The following PLA2G4E variants were observed in gnomAD, a reference collection of about 807,000 sequenced individuals.
PLA2G4E encodes the protein phospholipase A2 group IVE, also known as cytosolic phospholipase A2 epsilon.
Under a neutral mutation model 109.1 loss-of-function variants are expected in PLA2G4E, and 84 were observed. The observed-to-expected ratio is 0.77, with a 90% CI of 0.65 to 0.92. The LOEUF (loss-of-function observed/expected upper bound fraction) is 0.92. PLA2G4E is among the 40% of genes least tolerant of loss of function. The probability of loss-of-function intolerance (pLI) is 0.00; values close to 1 mark genes in which losing one functional copy is unlikely to be tolerated. For synonymous variants in PLA2G4E, 469 were observed against 436.1 expected (o/e 1.08, Z -0.94); for missense variants, 1,057 against 1,076.6 (o/e 0.98, Z 0.25).
At chr15:42,043,384 C>A (rs1449099672) in intron 1 of PLA2G4E, among the ~76,000 whole-genome samples, 2 of 151,594 alleles carry the variant, frequency 1.3e-5, no homozygotes, top group Non-Finnish European at 2.9e-5. Flanking sequence ...CTGTGGGCAC[C>A]CGTAGGTCAG....
intron 5 of PLA2G4E, 70 bp from the exon 6 acceptor site, chr15:42,002,766 G>A: frequency 7.4e-7 from 1 of 1,356,268 alleles, no homozygotes; most frequent in Non-Finnish European, 1.0e-6. Context: ...TGGCGACAAA[G>A]GGAATAAATA....
At chr15:42,010,142 C>CGCCG in intron 2 of PLA2G4E, 2 of 454,252 alleles carry the variant, frequency 4.4e-6, no homozygotes, top group Non-Finnish European at 8.9e-6. Flanking sequence ...GCCCCCCCAC[C>CGCCG]CCGGGCCTGG....
intron 12 of PLA2G4E, among the ~76,000 whole-genome samples, chr15:41,993,451 C>G (rs1279804254): frequency 6.6e-6 from 1 of 152,212 alleles, no homozygotes; most frequent in African/African-American, 2.4e-5. Flanking sequence ...CATTTAAACC[C>G]AGGCTCGACT....
exon 8 of PLA2G4E, chr15:42,000,108 C>A: frequency 1.3e-6 from 2 of 1,586,034 alleles, no homozygotes; most frequent in Non-Finnish European, 1.7e-6. Context: ...TTGTACCCCA[C>A]AGCTCCAGTG....
chr15:42,031,614 G>C (rs746340631), intron 1 of PLA2G4E, among the ~76,000 whole-genome samples: 1 of 152,120 alleles, frequency 6.6e-6, no homozygotes, highest in African/African-American at 2.4e-5. Flanking sequence ...TCCCACAGAG[G>C]GGGTATTGTA....
In PLA2G4E at chr15:42,023,134, G is replaced by C. The variant is rs182361456; in HGVS notation, c.184-9377C>G. On this transcript the variant is annotated intron_variant, in intron 1 of 19. Transcript: ENST00000399518. The stretch of plus-strand genomic sequence containing the variant: ...TGAGTTGTGTGGGAAGAGATACTGG[G>C]GGTAGAGAGTGGAACACAGGGGTGG... Among the ~76,000 whole-genome samples the C allele has an allele frequency of 1.6e-3, 251 of 152,122 alleles. 1 individual carries two copies. The highest frequency in any genetic ancestry group is 5.8e-3 in the African/African-American group (239 of 41,478).
chr15:42,039,573 A>G (rs1889278614), intron 1 of PLA2G4E, among the ~76,000 whole-genome samples: 1 of 152,166 alleles, frequency 6.6e-6, no homozygotes, highest in African/African-American at 2.4e-5. Context: ...TTGCATATGT[A>G]TGTATATACA....
At chr15:42,028,009 C>T (rs1183813004) in intron 1 of PLA2G4E, among the ~76,000 whole-genome samples, 2 of 152,206 alleles carry the variant, frequency 1.3e-5, no homozygotes, top group East Asian at 1.9e-4. Context: ...ATGGACATTG[C>T]CTGTCTTGTT....
At chr15:42,044,444 T>C (rs936457895) in intron 1 of PLA2G4E, among the ~76,000 whole-genome samples, 2 of 150,370 alleles carry the variant, frequency 1.3e-5, no homozygotes, top group African/African-American at 4.9e-5. Context: ...GAGGAAGGAG[T>C]GATGAGGTCA....
intron 11 of PLA2G4E, among the ~76,000 whole-genome samples, chr15:41,995,915 G>A (rs1234024928): frequency 6.6e-6 from 1 of 152,244 alleles, no homozygotes; most frequent in East Asian, 1.9e-4. Flanking sequence ...TCTGAGGGAA[G>A]GCACCAGGCC....
intron 5 of PLA2G4E, among the ~76,000 whole-genome samples, 164 bp from the exon 6 acceptor site, chr15:42,002,860 G>A (rs1338176656): frequency 2.6e-5 from 4 of 152,170 alleles, no homozygotes; most frequent in Non-Finnish European, 5.9e-5. Context: ...GGTTGTCAGG[G>A]AGGAAACTGG....
At chr15:42,018,935 A>G (rs1257328887) in intron 1 of PLA2G4E, among the ~76,000 whole-genome samples, 1 of 152,168 alleles carries the variant, frequency 6.6e-6, no homozygotes, top group East Asian at 1.9e-4. Flanking sequence ...AACAAAATGT[A>G]TGACTCTGCT....
intron 1 of PLA2G4E, among the ~76,000 whole-genome samples, chr15:42,017,936 C>G (rs554931850): frequency 1.3e-5 from 2 of 152,336 alleles, no homozygotes; most frequent in South Asian, 4.1e-4. Context: ...ATCACACCCT[C>G]CAGCTCTCGA....
chr15:41,983,428 T>C, exon 20 of PLA2G4E: 1 of 305,558 alleles, frequency 3.3e-6, no homozygotes, highest in Non-Finnish European at 6.0e-6. Flanking sequence ...TGCCTCTGAG[T>C]CGAGGTTTCT....
At chr15:41,995,305 C>T in intron 12 of PLA2G4E, 55 bp downstream of exon 12, 1 of 1,589,366 alleles carries the variant, frequency 6.3e-7, no homozygotes. Flanking sequence ...GACCCCAGGC[C>T]AGCCTGTTCG....
intron 2 of PLA2G4E, among the ~76,000 whole-genome samples, chr15:42,013,001 CAG>C (rs1365540702): frequency 6.6e-6 from 1 of 152,180 alleles, no homozygotes; most frequent in African/African-American, 2.4e-5. Context: ...CACCCAAAGA[CAG>C]GGGTGGGGAG....
intron 1 of PLA2G4E, among the ~76,000 whole-genome samples, chr15:42,049,961 G>A (rs933512285): frequency 4.6e-5 from 7 of 152,206 alleles, no homozygotes; most frequent in Non-Finnish European, 7.3e-5. Context: ...TGGGAATTGC[G>A]TATTTGCTCA....
At chr15:42,039,387 G>A (rs1303234347) in intron 1 of PLA2G4E, among the ~76,000 whole-genome samples, 2 of 152,156 alleles carry the variant, frequency 1.3e-5, no homozygotes, top group Admixed American at 6.5e-5. Flanking sequence ...GTCTTGGAAA[G>A]AGAACTATAG....
intron 1 of PLA2G4E, among the ~76,000 whole-genome samples, chr15:42,050,130 T>A (rs868213905): frequency 1.3e-5 from 2 of 152,200 alleles, no homozygotes; most frequent in Non-Finnish European, 2.9e-5. Context: ...ACATGCATGG[T>A]CTTGTTCACT....
Sources: allele counts gnomAD v4.1 joint callset (sites outside exome capture counted in the v4.1 genomes callset), GRCh38; gene constraint gnomAD v4.1.1; transcripts MANE v1.5; gene names NCBI Gene and HGNC (gene_info 2026-07-23, HGNC 2026-07-21).